TLK1: variants seen among roughly 807,000 people sequenced by gnomAD.
The protein encoded by TLK1 is tousled like kinase 1, also known as serine/threonine-protein kinase tousled-like 1.
A neutral mutation model predicts 105.3 loss-of-function variants in TLK1; 24 were observed. The observed-to-expected ratio is 0.23, with a 90% CI of 0.17 to 0.32. TLK1 has a LOEUF of 0.32. Among genes scored for constraint, TLK1 ranks in the 10% least tolerant of loss-of-function variants. The pLI, the probability that TLK1 is intolerant of heterozygous loss-of-function variation, is 1.00. For synonymous variants in TLK1, 321 were observed against 310.4 expected (o/e 1.03, Z -0.36); for missense variants, 558 against 910.5 (o/e 0.61, Z 4.98).
intron 3 of TLK1, among the ~76,000 whole-genome samples, chr2:171,061,784 G>A (rs182093642): frequency 1.3e-5 from 2 of 152,288 alleles, no homozygotes; most frequent in Admixed American, 6.5e-5. Context: ...ACTTTTAAAT[G>A]TTTGAAATTT....
chr2:171,021,433 CTTTTTTTTTTT>C (rs531522490), intron 12 of TLK1, among the ~76,000 whole-genome samples: 3 of 116,820 alleles, frequency 2.6e-5, no homozygotes, highest in African/African-American at 1.0e-4. Context: ...CCCGCCCCGA[CTTTTTTTTTTT>C]TTTTTTTTTT....
chr2:171,228,911 A>G (rs1389246663), intron 1 of TLK1, among the ~76,000 whole-genome samples: 1 of 152,310 alleles, frequency 6.6e-6, no homozygotes. Flanking sequence ...AACTCTGCCA[A>G]TTGGCCTCCC....
intron 3 of TLK1, among the ~76,000 whole-genome samples, chr2:171,077,460 G>T (rs1688563773): frequency 6.6e-6 from 1 of 152,148 alleles, no homozygotes; most frequent in Non-Finnish European, 1.5e-5. Flanking sequence ...CATAGTCAAG[G>T]TTCTGCCAAA....
chr2:171,007,569 C>G (rs1248231957), intron 14 of TLK1, among the ~76,000 whole-genome samples: 2 of 151,998 alleles, frequency 1.3e-5, no homozygotes, highest in Non-Finnish European at 2.9e-5. Context: ...CAAACATATA[C>G]ACAAGTAGAC....
chr2:171,073,425 A>T (rs1688351782), intron 3 of TLK1, among the ~76,000 whole-genome samples: 1 of 152,156 alleles, frequency 6.6e-6, no homozygotes, highest in Non-Finnish European at 1.5e-5. Flanking sequence ...GACCTACAAG[A>T]ACTCAACTAG....
chr2:171,027,954 G>A (rs2105392867), intron 12 of TLK1, among the ~76,000 whole-genome samples: 1 of 152,278 alleles, frequency 6.6e-6, no homozygotes, highest in South Asian at 2.1e-4. Flanking sequence ...CACGAAGCCA[G>A]GAGTTTGAGA....
chr2:171,013,125 G>A (rs1489965575), intron 13 of TLK1, among the ~76,000 whole-genome samples: 4 of 151,328 alleles, frequency 2.6e-5, no homozygotes, highest in Admixed American at 1.3e-4. Flanking sequence ...TGATTCTCCT[G>A]CCTCAGCCTC....
chr2:171,105,457 G>A (rs1328793667), intron 2 of TLK1, among the ~76,000 whole-genome samples: 5 of 152,134 alleles, frequency 3.3e-5, no homozygotes, highest in South Asian at 2.1e-4. Flanking sequence ...AGGCTGAGGC[G>A]GGTGGATCAC....
At chr2:171,093,179 T>G (rs929998593) in intron 2 of TLK1, among the ~76,000 whole-genome samples, 8 of 152,084 alleles carry the variant, frequency 5.3e-5, no homozygotes, top group Non-Finnish European at 1.2e-4. Context: ...AACTAAAGAG[T>G]AGACACAGAG....
At position 170,993,668 on chromosome 2, in the gene TLK1, TAAAAAAAAAAAAA is replaced by T. The variant is rs71008739; in HGVS notation, c.*99_*111del. ...AAACAGTTCTTAACCACGTCTTGTGTAAAAAAAAAAAAAAAAAAAAAAGAAAAAGAAAACAAAC... is the reference window on the plus strand; with the variant it reads ...AAACAGTTCTTAACCACGTCTTGTGTAAAAAAAAAGAAAAAGAAAACAAAC... On this transcript the variant is annotated 3_prime_UTR_variant, in exon 21 of 21. Transcript: ENST00000431350. 18 of 433,810 alleles carry T rather than the reference TAAAAAAAAAAAAA, an allele frequency of 4.1e-5. No individual in the cohort carries two copies. The highest frequency in any genetic ancestry group is 5.6e-5 in the Non-Finnish European group (17 of 300,890). The allele number at this position is 433,810 out of a possible 1,614,324, so 26.9% of individuals were successfully genotyped here.
chr2:171,081,830 C>T (rs940891732), intron 3 of TLK1: 1 of 594,140 alleles, frequency 1.7e-6, no homozygotes, highest in African/African-American at 2.0e-5. Flanking sequence ...TTCAATAACA[C>T]AGAGCTAAAA....
chr2:171,052,585 T>C (rs1231638252), intron 8 of TLK1, among the ~76,000 whole-genome samples: 1 of 152,210 alleles, frequency 6.6e-6, no homozygotes, highest in Non-Finnish European at 1.5e-5. Flanking sequence ...ATATATTTCA[T>C]TGAAAACAAG....
chr2:171,182,938 A>G (rs1337447266), intron 1 of TLK1, among the ~76,000 whole-genome samples: 2 of 142,744 alleles, frequency 1.4e-5, no homozygotes, highest in Non-Finnish European at 3.0e-5. Context: ...AAAAAAAAAA[A>G]GAAAGAAAGA....
intron 7 of TLK1, 85 bp from the exon 8 acceptor site, chr2:171,053,938 A>C (rs1687372016): frequency 9.9e-7 from 1 of 1,011,078 alleles, no homozygotes; most frequent in South Asian, 1.8e-5. Flanking sequence ...CCAAATTCAA[A>C]AGGTAAAGAA....
intron 2 of TLK1, among the ~76,000 whole-genome samples, chr2:171,105,531 C>G (rs1348685674): frequency 5.3e-5 from 8 of 151,966 alleles, no homozygotes; most frequent in Non-Finnish European, 1.2e-4. Flanking sequence ...ACTAAAAATA[C>G]AAAAATTAGA....
chr2:171,059,770 A>T (rs149790244), intron 4 of TLK1, among the ~76,000 whole-genome samples: 2 of 152,304 alleles, frequency 1.3e-5, no homozygotes, highest in African/African-American at 4.8e-5. Context: ...ACCTCAGATC[A>T]TCAGGCATTA....
chr2:171,024,427 T>C (rs899486863), intron 12 of TLK1, among the ~76,000 whole-genome samples: 1 of 152,106 alleles, frequency 6.6e-6, no homozygotes, highest in Non-Finnish European at 1.5e-5. Flanking sequence ...AGAATGTGTA[T>C]GAAAAATAAT....
At position 171,089,875 on chromosome 2, in the gene TLK1, T is replaced by C. The variant is rs573211896; in HGVS notation, c.259-7023A>G. ...ATAATACCACAAAATATTCTTGATA[T>C]CTAGTAGTATAATTCTCCCAGCTCT... On this transcript the variant is annotated intron_variant, in intron 2 of 20. Coordinates refer to ENST00000431350, the MANE Select transcript of TLK1 (RefSeq NM_012290.5). 3.9e-5 allele frequency among the ~76,000 whole-genome samples: 6 copies of C among 152,284 alleles called. No individual in the cohort carries two copies. In the East Asian group the frequency reaches 1.2e-3, roughly 29 times the overall value.
chr2:170,997,887 G>A, intron 18 of TLK1, 64 bp from the exon 19 acceptor site: 1 of 1,014,058 alleles, frequency 9.9e-7, no homozygotes, highest in South Asian at 1.8e-5. Flanking sequence ...AATCTTCTAA[G>A]TGTAAAATCT....
Sources: gnomAD v4.1 joint callset for allele counts (sites outside exome capture counted in the v4.1 genomes callset) on GRCh38, gnomAD v4.1.1 for gene constraint, MANE v1.5 for transcripts, NCBI Gene and HGNC (gene_info 2026-07-23, HGNC 2026-07-21) for gene names.